CXCL13: variants seen among roughly 807,000 people sequenced by gnomAD.
CXCL13 encodes the protein C-X-C motif chemokine 13.
A neutral mutation model predicts 12.2 loss-of-function variants in CXCL13; 7 were observed. The observed-to-expected ratio is 0.57, with a 90% CI of 0.33 to 1.07. The LOEUF (loss-of-function observed/expected upper bound fraction) is 1.07. Among genes scored for constraint, CXCL13 ranks in the 50% least tolerant of loss-of-function variants. CXCL13 has a pLI of 0.04. For synonymous variants in CXCL13, 47 were observed against 42.4 expected, an observed-to-expected ratio of 1.11 and a Z score of -0.42; for missense variants, 113 against 127.4, an observed-to-expected ratio of 0.89 and a Z score of 0.55.
At chr4:77,527,990 T>C (rs538038011) in intron 1 of CXCL13, among the ~76,000 whole-genome samples, 1 of 152,228 alleles carries the variant, frequency 6.6e-6, no homozygotes, top group East Asian at 1.9e-4. Context: ...CCATGTGTTC[T>C]CATTGTTCAA....
intron 1 of CXCL13, among the ~76,000 whole-genome samples, chr4:77,547,733 T>C (rs1217860112): frequency 6.6e-6 from 1 of 152,202 alleles, no homozygotes; most frequent in African/African-American, 2.4e-5. Flanking sequence ...TCCATTTACA[T>C]TTAAGATTAA....
intron 1 of CXCL13, among the ~76,000 whole-genome samples, chr4:77,518,269 T>G (rs1724479282): frequency 6.6e-6 from 1 of 152,202 alleles, no homozygotes; most frequent in African/African-American, 2.4e-5. Context: ...GACAATTCTG[T>G]GTCTTGGAGT....
At chr4:77,544,911 A>G (rs1314150154) in intron 1 of CXCL13, among the ~76,000 whole-genome samples, 2 of 152,176 alleles carry the variant, frequency 1.3e-5, no homozygotes, top group Non-Finnish European at 2.9e-5. Flanking sequence ...TCCATCTTGA[A>G]TTAATTTTTG....
chr4:77,573,409 T>TGTGC (rs1282867701), intron 1 of CXCL13, among the ~76,000 whole-genome samples: 1 of 137,740 alleles, frequency 7.3e-6, no homozygotes, highest in African/African-American at 2.8e-5. Flanking sequence ...TGTGTGTGTG[T>TGTGC]GTATGTCTAA....
At chr4:77,521,267 AT>A (rs1724590382) in intron 1 of CXCL13, among the ~76,000 whole-genome samples, 1 of 152,130 alleles carries the variant, frequency 6.6e-6, no homozygotes, top group South Asian at 2.1e-4. Context: ...TTTTCTATTG[AT>A]TGTAATGATT....
chr4:77,516,493 T>C (rs972453941), intron 1 of CXCL13, among the ~76,000 whole-genome samples: 13 of 152,210 alleles, frequency 8.5e-5, no homozygotes, highest in African/African-American at 3.1e-4. Context: ...GCTCCTGTTA[T>C]TGGTCTATTC....
At chr4:77,535,548 A>G (rs1725039407) in intron 1 of CXCL13, among the ~76,000 whole-genome samples, 1 of 152,166 alleles carries the variant, frequency 6.6e-6, no homozygotes, top group Middle Eastern at 3.2e-3. Context: ...AGCTAATAGC[A>G]CATGTTGGAA....
At position 77,589,647 on chromosome 4, in the gene CXCL13, G is replaced by A. The variant is rs947633873; in HGVS notation, c.-42-16177G>A. 3.3e-5 allele frequency among the ~76,000 whole-genome samples: 5 copies of A among 152,142 alleles called. 1 individual carries two copies. Among genetic ancestry groups the A allele is most frequent in the Non-Finnish European group, 7.4e-5 (5 of 68,024 alleles). On this transcript the variant is annotated intron_variant, in intron 1 of 4. Transcript: ENST00000286758. ...TTGGAACATACACCCCACGAATAAG[G>A]TGGGGGGACTACTATCTACCAAAGT...
chr4:77,561,481 GT>G (rs1238953396), intron 1 of CXCL13, among the ~76,000 whole-genome samples: 2 of 152,232 alleles, frequency 1.3e-5, no homozygotes, highest in Non-Finnish European at 2.9e-5. Context: ...TGCTATTTCT[GT>G]TTACAGATGA....
At chr4:77,566,260 T>A (rs569381025) in intron 1 of CXCL13, among the ~76,000 whole-genome samples, 1 of 152,208 alleles carries the variant, frequency 6.6e-6, no homozygotes, top group Non-Finnish European at 1.5e-5. Flanking sequence ...CATTTAAAAT[T>A]TTCTAAAACA....
At chr4:77,549,207 C>G (rs1437793050) in intron 1 of CXCL13, among the ~76,000 whole-genome samples, 4 of 152,210 alleles carry the variant, frequency 2.6e-5, no homozygotes, top group African/African-American at 9.6e-5. Flanking sequence ...AAGGTCTTCT[C>G]TATGCTGCTT....
intron 1 of CXCL13, among the ~76,000 whole-genome samples, chr4:77,527,604 C>T (rs1233509851): frequency 6.6e-6 from 1 of 151,696 alleles, no homozygotes; most frequent in Non-Finnish European, 1.5e-5. Context: ...TGCTCTCTAG[C>T]CTGGGTGACA....
chr4:77,522,174 A>C (rs1253295479), intron 1 of CXCL13, among the ~76,000 whole-genome samples: 1 of 152,156 alleles, frequency 6.6e-6, no homozygotes, highest in Non-Finnish European at 1.5e-5. Flanking sequence ...TGCTGAGAAG[A>C]AAGTGTTTTC....
chr4:77,559,590 CGTGTGTGT>C (rs376338194), intron 1 of CXCL13, among the ~76,000 whole-genome samples: 1 of 148,630 alleles, frequency 6.7e-6, no homozygotes, highest in African/African-American at 2.5e-5. Flanking sequence ...CTAAATATGC[CGTGTGTGT>C]GTGTGTGTGT....
At chr4:77,568,442 A>G (rs986698365) in intron 1 of CXCL13, among the ~76,000 whole-genome samples, 3 of 151,970 alleles carry the variant, frequency 2.0e-5, no homozygotes, top group Admixed American at 1.3e-4. Context: ...CAGCCATTTT[A>G]CTTTTCTCCT....
chr4:77,589,088 G>A (rs1470941626), intron 1 of CXCL13, among the ~76,000 whole-genome samples: 3 of 152,136 alleles, frequency 2.0e-5, no homozygotes, highest in African/African-American at 7.2e-5. Context: ...TTTGATATTG[G>A]GCAGAGTTGA....
At chr4:77,570,331 G>T (rs758055255) in intron 1 of CXCL13, among the ~76,000 whole-genome samples, 1 of 152,182 alleles carries the variant, frequency 6.6e-6, no homozygotes, top group African/African-American at 2.4e-5. Flanking sequence ...TAAACAGACA[G>T]CCTACATAAT....
chr4:77,595,360 A>G (rs1040571800), intron 1 of CXCL13, among the ~76,000 whole-genome samples: 4 of 152,242 alleles, frequency 2.6e-5, no homozygotes, highest in African/African-American at 9.6e-5. Flanking sequence ...ACCCAAGTAC[A>G]CACACTAAGG....
At chr4:77,550,030 A>G (rs189119428) in intron 1 of CXCL13, among the ~76,000 whole-genome samples, 1 of 152,254 alleles carries the variant, frequency 6.6e-6, no homozygotes, top group Non-Finnish European at 1.5e-5. Flanking sequence ...TTGTTTACTT[A>G]GTCAAGCCTC....
Sources: allele counts gnomAD v4.1 joint callset (sites outside exome capture counted in the v4.1 genomes callset), GRCh38; gene constraint gnomAD v4.1.1; transcripts MANE v1.5; gene names NCBI Gene and HGNC (gene_info 2026-07-23, HGNC 2026-07-21).